Variants in SP4 observed in about 807,000 individuals in gnomAD.
SP4 encodes Sp4 transcription factor, also known as transcription factor Sp4.
In SP4, 19 loss-of-function variants were observed where a neutral mutation model predicts 72.8. The ratio of observed to expected loss-of-function variants is 0.26; its 90% CI spans 0.18 to 0.38. SP4 has a LOEUF of 0.38. SP4 is among the 10% of genes least tolerant of loss of function. SP4 has a pLI of 1.00. For synonymous variants in SP4, 395 were observed against 333.1 expected (o/e 1.19, Z -2.02); for missense variants, 1,008 against 926.3 (o/e 1.09, Z -1.14).
intron 3 of SP4, among the ~76,000 whole-genome samples, chr7:21,453,228 A>G (rs573370606): frequency 1.3e-5 from 2 of 152,296 alleles, no homozygotes; most frequent in South Asian, 4.1e-4. Context: ...TCTGCTTTAT[A>G]TTCATGAACA....
intron 5 of SP4, among the ~76,000 whole-genome samples, chr7:21,505,029 G>A (rs1351865890): frequency 6.6e-6 from 1 of 152,206 alleles, no homozygotes; most frequent in Non-Finnish European, 1.5e-5. Context: ...TGTAATGAGG[G>A]CCCGCTTTAG....
chr7:21,428,187 C>CT lies in SP4; in HGVS notation c.-65_-64insT. ...GCGGGACCGGCCTCTCCTCCCGCCT[C>CT]GCCCCCACCCCCACCCACCTCTATC... On this transcript the variant is annotated 5_prime_UTR_variant, in exon 1 of 6. Coordinates refer to ENST00000222584, the MANE Select transcript of SP4 (RefSeq NM_003112.5). 1.8e-6 allele frequency: 1 copy of CT among 563,540 alleles called. No homozygotes were observed. The highest frequency in any genetic ancestry group is 2.9e-5 in the Admixed American group (1 of 34,104). 34.9% of individuals were successfully genotyped at this position (563,540 alleles called of 1,614,324 possible).
At chr7:21,510,667 C>T (rs534665792) in intron 5 of SP4, among the ~76,000 whole-genome samples, 1 of 152,138 alleles carries the variant, frequency 6.6e-6, no homozygotes, top group East Asian at 1.9e-4. Flanking sequence ...GGACATGAGC[C>T]TTGAACATTA....
intron 3 of SP4, among the ~76,000 whole-genome samples, chr7:21,474,452 C>A (rs1784435940): frequency 6.6e-6 from 1 of 152,116 alleles, no homozygotes; most frequent in Non-Finnish European, 1.5e-5. Context: ...GCATTTTTTG[C>A]AGTAAACAAA....
chr7:21,463,070 ACTTTT>A (rs1219330228), intron 3 of SP4, among the ~76,000 whole-genome samples: 2 of 151,596 alleles, frequency 1.3e-5, no homozygotes, highest in African/African-American at 2.4e-5. Context: ...CTGATAAATA[ACTTTT>A]CTTTTTTTTT....
intron 3 of SP4, among the ~76,000 whole-genome samples, chr7:21,462,861 G>A (rs986888011): frequency 6.6e-6 from 1 of 152,168 alleles, no homozygotes; most frequent in African/African-American, 2.4e-5. Flanking sequence ...TGAGAGTATT[G>A]AGAAAAGTTC....
intron 3 of SP4, among the ~76,000 whole-genome samples, chr7:21,446,377 A>T (rs1180431670): frequency 6.6e-6 from 1 of 152,194 alleles, no homozygotes; most frequent in Non-Finnish European, 1.5e-5. Flanking sequence ...TATAATTTTC[A>T]AACTGGAAAG....
chr7:21,502,990 G>A (rs1177585778), intron 5 of SP4, among the ~76,000 whole-genome samples: 1 of 151,704 alleles, frequency 6.6e-6, no homozygotes, highest in Non-Finnish European at 1.5e-5. Context: ...CCTTTCCAGG[G>A]TCTCCTTTAC....
intron 5 of SP4, among the ~76,000 whole-genome samples, chr7:21,496,278 T>G (rs927105034): frequency 1.3e-5 from 2 of 152,196 alleles, no homozygotes; most frequent in Non-Finnish European, 2.9e-5. Flanking sequence ...GTTAAAAAAG[T>G]GGAGACAAAC....
chr7:21,498,754 A>G (rs896918363), intron 5 of SP4, among the ~76,000 whole-genome samples: 7 of 152,218 alleles, frequency 4.6e-5, no homozygotes, highest in South Asian at 2.1e-4. Flanking sequence ...TGCATGTTAT[A>G]TGTATAATAA....
intron 3 of SP4, among the ~76,000 whole-genome samples, chr7:21,472,142 C>G (rs1784363280): frequency 6.6e-6 from 1 of 152,114 alleles, no homozygotes; most frequent in Non-Finnish European, 1.5e-5. Context: ...AGGCACAGAT[C>G]TGTGAGTTAA....
At chr7:21,491,763 A>G (rs1184494070) in intron 5 of SP4, among the ~76,000 whole-genome samples, 1 of 152,210 alleles carries the variant, frequency 6.6e-6, no homozygotes, top group African/African-American at 2.4e-5. Context: ...TCACCATTTT[A>G]TGTCCAAGGA....
At chr7:21,480,020 G>A (rs1296564906) in intron 4 of SP4, among the ~76,000 whole-genome samples, 1 of 151,736 alleles carries the variant, frequency 6.6e-6, no homozygotes, top group African/African-American at 2.4e-5. Flanking sequence ...GTTTAGTAGA[G>A]TCTTTAGGAT....
intron 3 of SP4, among the ~76,000 whole-genome samples, chr7:21,436,284 G>A (rs879562373): frequency 1.2e-4 from 19 of 152,138 alleles, no homozygotes; most frequent in Non-Finnish European, 2.4e-4. Flanking sequence ...GGGCAGGCAT[G>A]AAAGCAGGTT....
chr7:21,485,507 C>T (rs1272670440), intron 5 of SP4, among the ~76,000 whole-genome samples: 1 of 151,952 alleles, frequency 6.6e-6, no homozygotes, highest in African/African-American at 2.4e-5. Context: ...TCTAGGATGA[C>T]TGTCATGTAT....
chr7:21,506,186 CT>C (rs902752098), intron 5 of SP4, among the ~76,000 whole-genome samples: 6 of 152,166 alleles, frequency 3.9e-5, no homozygotes, highest in Non-Finnish European at 7.4e-5. Context: ...CCTTTTACCC[CT>C]GATACTTTCA....
At position 21,477,105 on chromosome 7, in the gene SP4, A is replaced by C. The variant is rs778234965; in HGVS notation, c.1705A>C (p.Lys569Gln). 6.2e-7 allele frequency: 1 copy of C among 1,614,040 alleles called. No homozygotes were observed. The change falls in exon 4 of 6, where the codon AAA becomes CAA. Residue 569 changes from lysine (K) to glutamine (Q), a missense_variant. Lys to Gln is a moderately conservative substitution (Grantham distance 53). This residue lies in a region of SP4 where 893 missense variants were observed against 743.3 expected (regional missense o/e 1.20). Coordinates refer to ENST00000222584, the MANE Select transcript of SP4 (RefSeq NM_003112.5). ...AGQQQGQDGVKVQQATIAPVT... is the reference protein window; with the variant it reads ...AGQQQGQDGVQVQQATIAPVT... The stretch of plus-strand genomic sequence containing the variant: ...TCAGCAGCAAGGACAAGATGGAGTA[A>C]AAGTCCAGCAAGCTACTATAGCTCC...
At chr7:21,490,427 G>A (rs770535721) in intron 5 of SP4, among the ~76,000 whole-genome samples, 1 of 152,152 alleles carries the variant, frequency 6.6e-6, no homozygotes, top group African/African-American at 2.4e-5. Flanking sequence ...CCATATCTCT[G>A]GCTAGGGGAA....
At chr7:21,484,552 A>G (rs1480283195) in intron 5 of SP4, among the ~76,000 whole-genome samples, 1 of 151,896 alleles carries the variant, frequency 6.6e-6, no homozygotes, top group East Asian at 1.9e-4. Flanking sequence ...GATAATTTGA[A>G]ATCTTTCTGT....
Sources: allele counts gnomAD v4.1 joint callset (sites outside exome capture counted in the v4.1 genomes callset), GRCh38; gene constraint gnomAD v4.1.1; regional missense constraint gnomAD v4.1.1; transcripts MANE v1.5; gene names NCBI Gene and HGNC (gene_info 2026-07-23, HGNC 2026-07-21).